Variants in XKR6 observed in about 807,000 individuals in gnomAD.
XKR6 encodes XK-related protein 6.
Under a neutral mutation model 56.7 loss-of-function variants are expected in XKR6, and 22 were observed. The observed-to-expected ratio is 0.39, with a 90% CI of 0.28 to 0.55. The LOEUF is 0.55. Ranked by LOEUF, XKR6 falls within the 20% of genes least tolerant of loss-of-function variation. The pLI is 0.66. For missense variants in XKR6, 852 were observed against 889.0 expected, an observed-to-expected ratio of 0.96 and a Z score of 0.53; for synonymous variants, 524 against 387.8, an observed-to-expected ratio of 1.35 and a Z score of -4.13.
rs949486489 is a variant in XKR6 at position 10,993,495 on chromosome 8, C to G, written c.765-68665G>C. Among the ~76,000 whole-genome samples, 8 of 152,376 alleles carry G rather than the reference C, an allele frequency of 5.3e-5. 1 individual carries two copies. Among genetic ancestry groups the G allele is most frequent in the Admixed American group, 1.3e-4 (2 of 15,310 alleles). ...TCTCAGCCAGGTGGCAGGCTGAACA[C>G]TGAGCGGGCCCAGGGCCTGTGTCTT... On this transcript the variant is annotated intron_variant, in intron 1 of 2. Coordinates refer to ENST00000416569, the MANE Select transcript of XKR6 (RefSeq NM_173683.4).
intron 1 of XKR6, among the ~76,000 whole-genome samples, chr8:11,027,303 T>C (rs1196825165): frequency 3.9e-5 from 6 of 152,238 alleles, no homozygotes; most frequent in African/African-American, 1.4e-4. Flanking sequence ...TTATGTGGCA[T>C]GTGACTATGT....
chr8:10,913,118 G>A (rs536746634), intron 2 of XKR6, among the ~76,000 whole-genome samples: 4 of 151,596 alleles, frequency 2.6e-5, no homozygotes, highest in African/African-American at 7.3e-5. Flanking sequence ...TATATAGAGG[G>A]TGTGTATGTA....
At chr8:11,045,518 C>T (rs1799391154) in intron 1 of XKR6, among the ~76,000 whole-genome samples, 1 of 152,182 alleles carries the variant, frequency 6.6e-6, no homozygotes, top group African/African-American at 2.4e-5. Context: ...AGTTATAAAA[C>T]TATTTTCTCT....
At chr8:11,132,898 T>G (rs918296166) in intron 1 of XKR6, among the ~76,000 whole-genome samples, 2 of 149,758 alleles carry the variant, frequency 1.3e-5, no homozygotes, top group African/African-American at 4.9e-5. Context: ...ATGCCAGAAA[T>G]AAATGCTCTA....
chr8:10,934,882 C>A (rs1270933655), intron 1 of XKR6, among the ~76,000 whole-genome samples: 3 of 136,606 alleles, frequency 2.2e-5, no homozygotes, highest in Non-Finnish European at 3.2e-5. Flanking sequence ...TGTCTCTGCC[C>A]GGCTTTGGTA....
chr8:11,061,042 G>A (rs892524110), intron 1 of XKR6, among the ~76,000 whole-genome samples: 2 of 152,186 alleles, frequency 1.3e-5, no homozygotes, highest in African/African-American at 4.8e-5. Flanking sequence ...TCTACCTAGG[G>A]CTGAGGGTTG....
At chr8:10,915,464 A>C (rs1800533877) in intron 2 of XKR6, among the ~76,000 whole-genome samples, 1 of 151,312 alleles carries the variant, frequency 6.6e-6, no homozygotes, top group Non-Finnish European at 1.5e-5. Context: ...CTTCATCTGC[A>C]TTCACTGTCA....
intron 1 of XKR6, among the ~76,000 whole-genome samples, chr8:11,091,596 G>T (rs1563129943): frequency 1.3e-5 from 2 of 152,198 alleles, no homozygotes; most frequent in Admixed American, 6.5e-5. Flanking sequence ...CATTAAAGAT[G>T]CAGGAATAGG....
intron 2 of XKR6, among the ~76,000 whole-genome samples, chr8:10,916,183 C>T (rs1340320341): frequency 2.6e-5 from 4 of 152,220 alleles, no homozygotes; most frequent in African/African-American, 9.6e-5. Context: ...CCAGGTGAGT[C>T]ATTATGCAAT....
intron 1 of XKR6, among the ~76,000 whole-genome samples, chr8:11,184,546 T>C (rs567370779): frequency 1.3e-5 from 2 of 152,314 alleles, no homozygotes; most frequent in African/African-American, 4.8e-5. Context: ...ACTTCAAGGC[T>C]AGAATGGTAG....
intron 1 of XKR6, among the ~76,000 whole-genome samples, chr8:11,131,055 C>T (rs957965028): frequency 2.0e-5 from 3 of 152,088 alleles, no homozygotes; most frequent in Non-Finnish European, 2.9e-5. Flanking sequence ...GATTCTGTCC[C>T]GGGGGATTTC....
At chr8:11,187,214 T>G (rs757777676) in intron 1 of XKR6, among the ~76,000 whole-genome samples, 1 of 152,326 alleles carries the variant, frequency 6.6e-6, no homozygotes, top group South Asian at 2.1e-4. Flanking sequence ...TCCCACCCTA[T>G]GGCTAGGTTT....
At chr8:10,906,764 T>G (rs1800199521) in intron 2 of XKR6, among the ~76,000 whole-genome samples, 1 of 152,188 alleles carries the variant, frequency 6.6e-6, no homozygotes, top group South Asian at 2.1e-4. Context: ...CTGGGCGTGG[T>G]GGCTCACGCT....
intron 1 of XKR6, among the ~76,000 whole-genome samples, chr8:11,055,780 G>GC (rs1428409367): frequency 6.6e-6 from 1 of 151,720 alleles, no homozygotes; most frequent in Admixed American, 6.6e-5. Flanking sequence ...AGCACAGCGG[G>GC]CCCCGAAGTC....
chr8:11,194,422 G>C (rs1156700890), intron 1 of XKR6: 1 of 152,128 alleles, frequency 6.6e-6, no homozygotes, highest in Non-Finnish European at 1.5e-5. Flanking sequence ...TAGGCAATTA[G>C]TCAAAAGTCA....
intron 1 of XKR6, among the ~76,000 whole-genome samples, chr8:11,194,114 C>G (rs117961429): frequency 1.3e-5 from 2 of 152,328 alleles, no homozygotes; most frequent in East Asian, 3.9e-4. Context: ...GAGACATACA[C>G]ACTTGCTTTA....
intron 1 of XKR6, among the ~76,000 whole-genome samples, chr8:11,085,716 T>A (rs1349414747): frequency 1.3e-5 from 2 of 152,142 alleles, no homozygotes; most frequent in African/African-American, 2.4e-5. Context: ...CACAGGCCTC[T>A]CCTCTGAAGA....
chr8:11,046,736 G>C (rs963850422), intron 1 of XKR6, among the ~76,000 whole-genome samples: 1 of 152,158 alleles, frequency 6.6e-6, no homozygotes, highest in East Asian at 1.9e-4. Flanking sequence ...GCCATCCATG[G>C]ATGAATAGAC....
At chr8:11,165,178 C>G (rs1802010287) in intron 1 of XKR6, among the ~76,000 whole-genome samples, 1 of 141,696 alleles carries the variant, frequency 7.1e-6, no homozygotes, top group Admixed American at 7.5e-5. Context: ...TGGCTCACTG[C>G]AACCTCCGCC....
Sources: allele counts gnomAD v4.1 joint callset (sites outside exome capture counted in the v4.1 genomes callset), GRCh38; gene constraint gnomAD v4.1.1; transcripts MANE v1.5; gene names NCBI Gene and HGNC (gene_info 2026-07-23, HGNC 2026-07-21).